The following TMEM18 variants were observed in gnomAD, a reference collection of about 807,000 sequenced individuals.
TMEM18 encodes the protein transmembrane protein 18.
A neutral mutation model predicts 17.4 loss-of-function variants in TMEM18; 14 were observed. That is an observed-to-expected ratio of 0.80 (90% CI 0.53 to 1.25). The LOEUF (loss-of-function observed/expected upper bound fraction) is 1.25, where lower values mean the gene tolerates loss of function less well. Among genes scored for constraint, TMEM18 ranks in the 50% most tolerant of loss-of-function variants. The pLI, the probability that TMEM18 is intolerant of heterozygous loss-of-function variation, is 0.00. For missense variants in TMEM18, 187 were observed against 172.1 expected (o/e 1.09, Z -0.48); for synonymous variants, 86 against 66.1 (o/e 1.30, Z -1.46).
chr2:676,637 C>CA, intron 1 of TMEM18: 1 of 1,550,218 alleles, frequency 6.5e-7, no homozygotes, highest in Non-Finnish European at 8.7e-7. Flanking sequence ...ATCGAGTGCC[C>CA]ATGTCACCCC....
Position 676,160 on chromosome 2 carries a change from A to G in TMEM18, c.58-530T>C, listed in dbSNP as rs554904765. On this transcript the variant is annotated intron_variant, in intron 1 of 4. Transcript: ENST00000281017. ...CCACGTGCAAGACTTGATTTTCTCC[A>G]ACCTCTCTGCAATACACTGAACTCT... The G allele has an allele frequency of 4.1e-3, 5,457 of 1,333,796 alleles. 21 individuals are homozygous for G. The highest frequency in any genetic ancestry group is 4.8e-3 in the Non-Finnish European group (4,830 of 1,008,758). The allele number at this position is 1,333,796 out of a possible 1,614,324, so 82.6% of individuals were successfully genotyped here.
intron 3 of TMEM18, 55 bp from the exon 4 acceptor site, chr2:669,905 G>T: frequency 7.3e-7 from 1 of 1,366,696 alleles, no homozygotes; most frequent in Non-Finnish European, 1.0e-6. Flanking sequence ...AAAAGTTCTA[G>T]TGACACCGTC....
intron 3 of TMEM18, among the ~76,000 whole-genome samples, chr2:671,333 G>A (rs2103091272): frequency 6.6e-6 from 1 of 152,300 alleles, no homozygotes; most frequent in South Asian, 2.1e-4. Context: ...ACAAGGTCAG[G>A]GTCACCAGGG....
At chr2:672,356 G>A (rs1678871419) in intron 3 of TMEM18, among the ~76,000 whole-genome samples, 1 of 152,000 alleles carries the variant, frequency 6.6e-6, no homozygotes, top group Non-Finnish European at 1.5e-5. Flanking sequence ...TGCCAGCGGT[G>A]CCCCCCGACA....
At position 677,319 on chromosome 2, in the gene TMEM18, A is replaced by G. The variant is rs767423874; in HGVS notation, c.27T>C (p.Ser9=). 7 of 1,612,504 alleles carry G rather than the reference A, an allele frequency of 4.3e-6. No homozygotes were observed. In the South Asian group the frequency reaches 5.5e-5, roughly 13 times the overall value. The change falls in exon 1 of 5, where the codon TCT becomes TCC. Residue 9 remains serine (S), a synonymous_variant. Transcript: ENST00000281017. ...GCACGGCTGGGATGCTGACGGGGAA[A>G]GAGCTGACAGAGAAGGCGGACGGCA... MPSAFSVS[S]FPVSIPAVLT...
At chr2:676,365 C>A (rs1315505487) in intron 1 of TMEM18, 2 of 1,421,590 alleles carry the variant, frequency 1.4e-6, no homozygotes, top group East Asian at 5.0e-5. Context: ...TCCTTGAGCG[C>A]CCTCCTGCAG....
At chr2:673,951 T>A (rs969305502) in intron 2 of TMEM18, among the ~76,000 whole-genome samples, 2 of 151,972 alleles carry the variant, frequency 1.3e-5, no homozygotes, top group Non-Finnish European at 2.9e-5. Flanking sequence ...AGGGAGGGTG[T>A]CACCAGGTGC....
In TMEM18 at chr2:669,146, C is replaced by G. The variant is rs1366714371; in HGVS notation, c.*434G>C. 2 of 157,880 alleles carry G rather than the reference C, an allele frequency of 1.3e-5. No individual in the cohort carries two copies. The highest frequency in any genetic ancestry group is 4.8e-5 in the African/African-American group (2 of 41,518). 9.8% of individuals were successfully genotyped at this position (157,880 alleles called of 1,614,324 possible). A position where few individuals can be genotyped will look rare whatever the true frequency, so the allele number is the denominator to read the frequency against. ...CCATGTCTTGGAAGGTGAAAACACC[C>G]TCTACTGCGAACTGTGGCATGCACT... On this transcript the variant is annotated 3_prime_UTR_variant, in exon 5 of 5. Coordinates refer to ENST00000281017, the MANE Select transcript of TMEM18 (RefSeq NM_152834.4).
In TMEM18 at chr2:664,819, G is replaced by A. The variant is rs1409418928; in HGVS notation, c.*4761C>T. ...GGTTGGAGATTTCTGTGTTGCTGTT[G>A]TCAGTAAAACAATTAGAAAAACTCT... On this transcript the variant is annotated 3_prime_UTR_variant, in exon 5 of 5. Transcript: ENST00000281017. 6.6e-6 allele frequency among the ~76,000 whole-genome samples: 1 copy of A among 152,168 alleles called. No homozygotes were observed.
chr2:673,076 A>G (rs1157059260), intron 2 of TMEM18, among the ~76,000 whole-genome samples: 4 of 152,216 alleles, frequency 2.6e-5, no homozygotes, highest in Admixed American at 1.3e-4. Flanking sequence ...CCAATGCTCT[A>G]TGGTCTCACT....
At chr2:677,248 C>T (rs1185608982) in intron 1 of TMEM18, 41 bp downstream of exon 1, 7 of 1,592,562 alleles carry the variant, frequency 4.4e-6, no homozygotes, top group African/African-American at 1.3e-5. Context: ...GCCTCTCCGC[C>T]GTCCTCCCCC....
intron 2 of TMEM18, 55 bp from the exon 3 acceptor site, chr2:672,917 TAA>T (rs1678894027): frequency 6.9e-7 from 1 of 1,448,252 alleles, no homozygotes; most frequent in South Asian, 1.4e-5. Context: ...TTACTCGTTA[TAA>T]AGTTATACAT....
In TMEM18 at chr2:668,105, G is replaced by A. The variant is rs958762846; in HGVS notation, c.*1475C>T. ...CAGCAGGAGAGAGACAGTGACAGCA[G>A]GGGAAACTGCTGTCTTTAAAACCAG... On this transcript the variant is annotated 3_prime_UTR_variant, in exon 5 of 5. Transcript: ENST00000281017. 1 of 152,198 alleles carries A rather than the reference G, an allele frequency of 6.6e-6. No individual in the cohort carries two copies. 9.4% of individuals were successfully genotyped at this position (152,198 alleles called of 1,614,324 possible). A position where few individuals can be genotyped will look rare whatever the true frequency, so the allele number is the denominator to read the frequency against.
intron 1 of TMEM18, 184 bp from the exon 2 acceptor site, chr2:675,814 A>G (rs1173140831): frequency 6.5e-7 from 1 of 1,529,700 alleles, no homozygotes; most frequent in Admixed American, 2.0e-5. Context: ...GGAAAGGGAG[A>G]AGGAACCAGG....
chr2:675,488 G>A, intron 2 of TMEM18, 22 bp downstream of exon 2: 1 of 1,614,134 alleles, frequency 6.2e-7, no homozygotes, highest in Non-Finnish European at 8.5e-7. Context: ...CTGAGTTGTG[G>A]AGTTTGTGTT....
chr2:665,971 C>G lies in TMEM18; in HGVS notation c.*3609G>C, dbSNP rs978232539. Among the ~76,000 whole-genome samples the G allele has an allele frequency of 1.3e-5, 2 of 151,692 alleles. No homozygotes were observed. Among genetic ancestry groups the G allele is most frequent in the Non-Finnish European group, 2.9e-5 (2 of 67,992 alleles). ...ACACAAAACCCAGAGATGCGGATGCCCAGCTCACTCGGATGGAGTATTAAC... is the reference window on the plus strand; with the variant it reads ...ACACAAAACCCAGAGATGCGGATGCGCAGCTCACTCGGATGGAGTATTAAC... On this transcript the variant is annotated 3_prime_UTR_variant, in exon 5 of 5. Transcript: ENST00000281017.
chr2:670,528 G>A (rs1342435804), intron 3 of TMEM18: 4 of 152,872 alleles, frequency 2.6e-5, no homozygotes, highest in Admixed American at 2.0e-4. Context: ...AGCGCCTTGT[G>A]AGCATGGGGC....
Position 669,600 on chromosome 2 carries a change from T to C in TMEM18, c.403A>G (p.Arg135Gly). The C allele has an allele frequency of 6.2e-7, 1 of 1,614,222 alleles. No individual in the cohort carries two copies. The highest frequency in any genetic ancestry group is 8.5e-7 in the Non-Finnish European group (1 of 1,180,024). The stretch of plus-strand genomic sequence containing the variant: ...GCCCCTCAGTCTTCTTTCCTTCTCC[T>C]TTTCTTTTCCTTTCTTCTCTCTTGT... ...NAQERRKEKK[R>G]RRKED Residue 135 changes from arginine (R) to glycine (G), a missense_variant, in exon 5 of 5, where the codon AGG becomes GGG. Arg to Gly is a moderately radical substitution (Grantham distance 125, BLOSUM62 -2). Transcript: ENST00000281017.
At chr2:675,118 C>T (rs1326483896) in intron 2 of TMEM18, among the ~76,000 whole-genome samples, 1 of 152,242 alleles carries the variant, frequency 6.6e-6, no homozygotes. Flanking sequence ...CCAAGTTGGG[C>T]AATGCCTTAT....
Sources: gnomAD v4.1 joint callset for allele counts (sites outside exome capture counted in the v4.1 genomes callset) on GRCh38, gnomAD v4.1.1 for gene constraint, MANE v1.5 for transcripts, NCBI Gene and HGNC (gene_info 2026-07-23, HGNC 2026-07-21) for gene names.